The following KLHL1 variants were observed in gnomAD, a reference collection of about 807,000 sequenced individuals.
KLHL1 encodes kelch like family member 1.
A neutral mutation model predicts 77.7 loss-of-function variants in KLHL1; 47 were observed. That is an observed-to-expected ratio of 0.60 (90% CI 0.48 to 0.77). The LOEUF (loss-of-function observed/expected upper bound fraction) is 0.77, where lower values mean the gene tolerates loss of function less well. KLHL1 is among the 30% of genes least tolerant of loss of function. The pLI, the probability that KLHL1 is intolerant of heterozygous loss-of-function variation, is 0.00. For missense variants in KLHL1, 925 were observed against 910.8 expected, an observed-to-expected ratio of 1.02 and a Z score of -0.20; for synonymous variants, 360 against 325.2, an observed-to-expected ratio of 1.11 and a Z score of -1.15.
At chr13:69,943,023 G>A (rs181453080) in intron 3 of KLHL1, among the ~76,000 whole-genome samples, 1 of 152,078 alleles carries the variant, frequency 6.6e-6, no homozygotes, top group East Asian at 1.9e-4. Context: ...ATCCATACTA[G>A]TTGTTCTGCA....
At chr13:70,105,785 G>A (rs1374403513) in intron 1 of KLHL1, among the ~76,000 whole-genome samples, 2 of 150,636 alleles carry the variant, frequency 1.3e-5, no homozygotes, top group African/African-American at 4.8e-5. Flanking sequence ...AGTACCTAAC[G>A]TTATAATTCT....
At chr13:69,948,383 C>T (rs1346498341) in intron 3 of KLHL1, among the ~76,000 whole-genome samples, 2 of 152,058 alleles carry the variant, frequency 1.3e-5, no homozygotes, top group African/African-American at 4.8e-5. Flanking sequence ...AATTGTGTCA[C>T]ATAATCATGC....
At chr13:69,875,853 CT>C (rs548122387) in intron 5 of KLHL1, among the ~76,000 whole-genome samples, 23 of 149,032 alleles carry the variant, frequency 1.5e-4, no homozygotes, top group Admixed American at 1.3e-3. Flanking sequence ...TAATCCTATT[CT>C]TTTTTTTTTC....
At chr13:69,963,100 T>G (rs1884116608) in intron 2 of KLHL1, among the ~76,000 whole-genome samples, 1 of 152,164 alleles carries the variant, frequency 6.6e-6, no homozygotes, top group Non-Finnish European at 1.5e-5. Context: ...CTCTTTCTGT[T>G]GTCTAGGATG....
intron 1 of KLHL1, among the ~76,000 whole-genome samples, chr13:69,979,837 T>C (rs1430362952): frequency 6.6e-6 from 1 of 152,202 alleles, no homozygotes; most frequent in Non-Finnish European, 1.5e-5. Context: ...AATAAAATTG[T>C]TTTGATCTCT....
At chr13:69,728,795 G>A (rs1041284012) in intron 8 of KLHL1, among the ~76,000 whole-genome samples, 82 of 151,674 alleles carry the variant, frequency 5.4e-4, no homozygotes, top group African/African-American at 1.9e-3. Context: ...GTGACAGAGC[G>A]AGACTCCATC....
chr13:69,802,201 C>G (rs1320032219), intron 6 of KLHL1, among the ~76,000 whole-genome samples: 1 of 152,082 alleles, frequency 6.6e-6, no homozygotes, highest in Non-Finnish European at 1.5e-5. Flanking sequence ...TAAATTCATT[C>G]TTTTTTATGG....
At chr13:69,973,274 A>G (rs1187659097) in intron 2 of KLHL1, among the ~76,000 whole-genome samples, 1 of 151,912 alleles carries the variant, frequency 6.6e-6, no homozygotes, top group Non-Finnish European at 1.5e-5. Context: ...ACATGATATT[A>G]TGTAGAGTCC....
chr13:69,929,993 G>A (rs1306334601), intron 4 of KLHL1, among the ~76,000 whole-genome samples: 1 of 151,780 alleles, frequency 6.6e-6, no homozygotes, highest in Non-Finnish European at 1.5e-5. Flanking sequence ...AGCTGATTTG[G>A]GAAGTTGGTA....
At chr13:69,935,879 T>C (rs1477535929) in intron 4 of KLHL1, among the ~76,000 whole-genome samples, 3 of 152,196 alleles carry the variant, frequency 2.0e-5, no homozygotes, top group South Asian at 4.1e-4. Context: ...TATTACAAGA[T>C]ACTAGACACT....
In KLHL1 at chr13:69,708,325, C is replaced by T. The variant is rs531861219; in HGVS notation, c.2016-529G>A. On this transcript the variant is annotated intron_variant, in intron 9 of 10. Transcript: ENST00000377844. Reference sequence around the variant, plus strand: ...TTTTGTTTTGTTTTTTGTTTTAATGCATGGTCCGCTTTGAGGAAACAGTTA... The same window carrying T: ...TTTTGTTTTGTTTTTTGTTTTAATGTATGGTCCGCTTTGAGGAAACAGTTA... Among the ~76,000 whole-genome samples, 23 of 151,980 alleles carry T rather than the reference C, an allele frequency of 1.5e-4. 1 individual carries two copies. Among genetic ancestry groups the T allele is most frequent in the Middle Eastern group, 3.4e-3 (1 of 292 alleles).
chr13:70,008,456 C>T (rs906325433), intron 1 of KLHL1, among the ~76,000 whole-genome samples: 7 of 151,954 alleles, frequency 4.6e-5, no homozygotes, highest in East Asian at 1.9e-4. Context: ...TGGTAGTATG[C>T]GCCCCCATAT....
At chr13:70,104,112 C>G (rs931558140) in intron 1 of KLHL1, among the ~76,000 whole-genome samples, 7 of 152,104 alleles carry the variant, frequency 4.6e-5, no homozygotes, top group African/African-American at 1.7e-4. Context: ...CATATGGAAT[C>G]TTGGGCAGAA....
At chr13:69,759,877 G>A (rs1294206547) in intron 7 of KLHL1, among the ~76,000 whole-genome samples, 2 of 152,288 alleles carry the variant, frequency 1.3e-5, no homozygotes, top group South Asian at 2.1e-4. Flanking sequence ...CAAAGCACCT[G>A]AAACAAAGGT....
At chr13:69,900,441 G>A (rs1444835172) in intron 4 of KLHL1, among the ~76,000 whole-genome samples, 2 of 152,130 alleles carry the variant, frequency 1.3e-5, no homozygotes, top group African/African-American at 4.8e-5. Context: ...TAGAATTTAC[G>A]GGTAAGGGAA....
intron 8 of KLHL1, among the ~76,000 whole-genome samples, chr13:69,737,138 C>T (rs1873797302): frequency 6.6e-6 from 1 of 152,138 alleles, no homozygotes; most frequent in Non-Finnish European, 1.5e-5. Context: ...ATTGTGCTAC[C>T]CCTCCTTGAA....
At chr13:70,005,061 A>G (rs1885375633) in intron 1 of KLHL1, among the ~76,000 whole-genome samples, 2 of 151,798 alleles carry the variant, frequency 1.3e-5, no homozygotes, top group African/African-American at 4.8e-5. Context: ...AGGTTTTTGT[A>G]TTGCAAAATG....
chr13:69,717,845 G>T (rs555163981), intron 9 of KLHL1, among the ~76,000 whole-genome samples: 1 of 152,096 alleles, frequency 6.6e-6, no homozygotes, highest in Non-Finnish European at 1.5e-5. Flanking sequence ...TGTCTTCATT[G>T]TGACACCTGT....
chr13:70,046,649 G>A (rs1441758977), intron 1 of KLHL1, among the ~76,000 whole-genome samples: 15 of 152,034 alleles, frequency 9.9e-5, no homozygotes. Context: ...CACCATACCT[G>A]GCTAATTTTA....
Sources: gnomAD v4.1 joint callset for allele counts (sites outside exome capture counted in the v4.1 genomes callset) on GRCh38, gnomAD v4.1.1 for gene constraint, MANE v1.5 for transcripts, NCBI Gene and HGNC (gene_info 2026-07-23, HGNC 2026-07-21) for gene names.